EFCAB7: variants seen among roughly 807,000 people sequenced by gnomAD.
EFCAB7 encodes the protein EF-hand calcium-binding domain-containing protein 7.
A neutral mutation model predicts 77.1 loss-of-function variants in EFCAB7; 66 were observed. The observed-to-expected ratio is 0.86, with a 90% CI of 0.70 to 1.05. EFCAB7 has a LOEUF of 1.05. EFCAB7 is among the 50% of genes least tolerant of loss of function. The pLI is 0.00. For synonymous variants in EFCAB7, 225 were observed against 243.3 expected, an observed-to-expected ratio of 0.92 and a Z score of 0.70; for missense variants, 638 against 730.5, an observed-to-expected ratio of 0.87 and a Z score of 1.46.
At chr1:63,558,172 G>T (rs571601344) in intron 10 of EFCAB7, among the ~76,000 whole-genome samples, 1 of 152,134 alleles carries the variant, frequency 6.6e-6, no homozygotes, top group Admixed American at 6.5e-5. Flanking sequence ...ACATAATAGA[G>T]TATTACCTAT....
rs1392672718 is a variant in EFCAB7 at position 63,554,578 on chromosome 1, G to C, written c.1057-780G>C. On this transcript the variant is annotated intron_variant, in intron 8 of 13. Coordinates refer to ENST00000371088, the MANE Select transcript of EFCAB7 (RefSeq NM_032437.4). ...TGTTCTCAAACTCCTGACATCAAAT[G>C]ATCCACCCACCTTGGCCTCCCAAAG... 2.0e-5 allele frequency among the ~76,000 whole-genome samples: 3 copies of C among 151,982 alleles called. No homozygotes were observed. The South Asian group carries it at 6.2e-4, about 32-fold the overall frequency.
chr1:63,571,554 T>A (rs1454739755), intron 13 of EFCAB7, among the ~76,000 whole-genome samples: 1 of 150,324 alleles, frequency 6.7e-6, no homozygotes, highest in African/African-American at 2.5e-5. Context: ...ACGCCTGTAA[T>A]TCCAGCTACT....
At position 63,545,978 on chromosome 1, in the gene EFCAB7, T is replaced by C. The variant is rs777349454; in HGVS notation, c.867T>C (p.Ser289=). The change falls in exon 7 of 14, where the codon AGT becomes AGC. Residue 289 remains serine, a synonymous_variant. Coordinates refer to ENST00000371088, the MANE Select transcript of EFCAB7 (RefSeq NM_032437.4). ...TAGAAGAAGATGGTGAAATCATTAG[T>C]CATCAGTACAGGATGCAAATAGCTC... is the stretch of plus-strand genomic sequence containing the variant. The part of the protein sequence containing the change: ...FFLEEDGEII[S]HQYRMQIAQR... The C allele has an allele frequency of 6.2e-7, 1 of 1,613,830 alleles. No homozygotes were observed.
chr1:63,577,449 C>T (rs1265529584), downstream of EFCAB7, among the ~76,000 whole-genome samples: 3 of 151,878 alleles, frequency 2.0e-5, no homozygotes, highest in African/African-American at 4.8e-5. Flanking sequence ...TCCAGAATGC[C>T]AGTATTGTAA....
At chr1:63,581,032 C>A in the EFCAB7 span, among the ~76,000 whole-genome samples, 1 of 151,978 alleles carries the variant, frequency 6.6e-6, no homozygotes, top group African/African-American at 2.4e-5. Context: ...AGTTTCATTT[C>A]TTTCTTTCCT....
intron 11 of EFCAB7, 150 bp downstream of exon 11, chr1:63,562,007 G>A (rs1321270944): frequency 6.7e-6 from 3 of 447,138 alleles, no homozygotes; most frequent in Middle Eastern, 5.9e-4. Flanking sequence ...ACATGTTTCT[G>A]TTAGTTTATA....
chr1:63,529,403 A>G (rs1254154318), intron 2 of EFCAB7, among the ~76,000 whole-genome samples: 1 of 152,130 alleles, frequency 6.6e-6, no homozygotes, highest in Non-Finnish European at 1.5e-5. Flanking sequence ...AGTCAGATGT[A>G]GACTTCCTAT....
At chr1:63,526,325 T>C (rs1268655452) in intron 2 of EFCAB7, among the ~76,000 whole-genome samples, 2 of 152,132 alleles carry the variant, frequency 1.3e-5, no homozygotes, top group Non-Finnish European at 2.9e-5. Context: ...TTTCCAGGAG[T>C]ATCAAATGAT....
At chr1:63,545,050 C>G (rs1183413737) in intron 6 of EFCAB7, among the ~76,000 whole-genome samples, 1 of 151,134 alleles carries the variant, frequency 6.6e-6, no homozygotes, top group African/African-American at 2.4e-5. Context: ...TCCCGAGTAG[C>G]TGGAATTACA....
At chr1:63,577,595 A>G (rs1401223104), downstream of EFCAB7, among the ~76,000 whole-genome samples, 1 of 152,218 alleles carries the variant, frequency 6.6e-6, no homozygotes, top group Non-Finnish European at 1.5e-5. Flanking sequence ...AGAAGTAAAA[A>G]TAGGAGTAGA....
At chr1:63,565,796 T>A (rs2100925176) in intron 11 of EFCAB7, among the ~76,000 whole-genome samples, 1 of 152,088 alleles carries the variant, frequency 6.6e-6, no homozygotes, top group East Asian at 1.9e-4. Context: ...GAAATGCAAA[T>A]CAAAACCACA....
Position 63,525,747 on chromosome 1 carries a change from C to G in EFCAB7, c.175C>G (p.Gln59Glu), listed in dbSNP as rs756392553. Residue 59 changes from glutamine to glutamate, a missense_variant, in exon 2 of 14, where the codon CAA (glutamine) becomes GAA (glutamate). Gln to Glu is a conservative substitution (Grantham distance 29). Coordinates refer to ENST00000371088, the MANE Select transcript of EFCAB7 (RefSeq NM_032437.4). ...CTTGGAAAACATTATTTCTAAAGAT[C>G]AACTTTACTTAGGTAAATTTTTAAA... is the stretch of plus-strand genomic sequence containing the variant. ...SSLENIISKD[Q>E]LYLALQHAGR... is the part of the protein sequence containing the mutation. The G allele has an allele frequency of 1.9e-6, 3 of 1,563,312 alleles. No homozygotes were observed. In the South Asian group the frequency reaches 3.7e-5, roughly 19 times the overall value.
intron 8 of EFCAB7, among the ~76,000 whole-genome samples, chr1:63,552,723 G>T (rs565600632): frequency 1.3e-5 from 2 of 152,122 alleles, no homozygotes; most frequent in South Asian, 4.2e-4. Flanking sequence ...GCTATTTAAG[G>T]GCTTACTACA....
At chr1:63,561,059 G>T (rs1339963632) in intron 10 of EFCAB7, among the ~76,000 whole-genome samples, 2 of 152,174 alleles carry the variant, frequency 1.3e-5, no homozygotes, top group Non-Finnish European at 2.9e-5. Context: ...CAGGAATTAT[G>T]CATGTCTAGA....
chr1:63,532,948 A>G (rs1357285296), intron 4 of EFCAB7, among the ~76,000 whole-genome samples, 192 bp downstream of exon 4: 1 of 152,246 alleles, frequency 6.6e-6, no homozygotes, highest in Middle Eastern at 3.4e-3. Context: ...TTTTAAAGGG[A>G]TGCATCTTTT....
At chr1:63,579,670 T>C in the EFCAB7 span, among the ~76,000 whole-genome samples, 1 of 152,214 alleles carries the variant, frequency 6.6e-6, no homozygotes, top group Non-Finnish European at 1.5e-5. Flanking sequence ...AGCAGCAATG[T>C]AGGAGAATTC....
downstream of EFCAB7, among the ~76,000 whole-genome samples, chr1:63,573,259 G>A (rs1478460810): frequency 6.6e-6 from 1 of 152,148 alleles, no homozygotes. Context: ...CCTAGAGTGG[G>A]AGAGATTAAG....
chr1:63,563,554 G>A (rs911213802), intron 11 of EFCAB7, among the ~76,000 whole-genome samples: 3 of 152,192 alleles, frequency 2.0e-5, no homozygotes, highest in Non-Finnish European at 4.4e-5. Context: ...ACTTGGATGA[G>A]ACTGTTGATT....
At chr1:63,537,951 C>T (rs572620885) in intron 6 of EFCAB7, among the ~76,000 whole-genome samples, 5 of 152,174 alleles carry the variant, frequency 3.3e-5, no homozygotes, top group Admixed American at 2.0e-4. Context: ...TACAGTGTTC[C>T]AAGAAAAATG....
Sources: allele counts gnomAD v4.1 joint callset (sites outside exome capture counted in the v4.1 genomes callset), GRCh38; gene constraint gnomAD v4.1.1; transcripts MANE v1.5; gene names NCBI Gene and HGNC (gene_info 2026-07-23, HGNC 2026-07-21).